Variants in CAST observed in about 807,000 individuals in gnomAD.
CAST encodes the protein calpastatin, also known as MIR583 host.
Under a neutral mutation model 119.6 loss-of-function variants are expected in CAST, and 76 were observed. The ratio of observed to expected loss-of-function variants is 0.64; its 90% CI spans 0.53 to 0.77. The LOEUF is 0.77. Among genes scored for constraint, CAST ranks in the 30% least tolerant of loss-of-function variants. The pLI, the probability that CAST is intolerant of heterozygous loss-of-function variation, is 0.00. For missense variants in CAST, 953 were observed against 946.5 expected (o/e 1.01, Z -0.09); for synonymous variants, 319 against 331.6 (o/e 0.96, Z 0.41).
the CAST span, among the ~76,000 whole-genome samples, chr5:95,964,073 G>A: frequency 3.3e-5 from 5 of 152,024 alleles, no homozygotes; most frequent in South Asian, 6.2e-4. Context: ...AATCTTTCAC[G>A]GATTAATATA....
At chr5:96,634,971 C>T (rs1046417425) in intron 1 of CAST, among the ~76,000 whole-genome samples, 9 of 152,154 alleles carry the variant, frequency 5.9e-5, no homozygotes, top group African/African-American at 1.4e-4. Flanking sequence ...TCACAAACAA[C>T]GTAATTCAGC....
At chr5:96,041,080 C>T in the CAST span, among the ~76,000 whole-genome samples, 2 of 152,110 alleles carry the variant, frequency 1.3e-5, no homozygotes, top group African/African-American at 4.8e-5. Flanking sequence ...GATTCAACGT[C>T]TTCCTGGTTT....
At chr5:96,370,142 G>T in the CAST span, among the ~76,000 whole-genome samples, 3 of 151,130 alleles carry the variant, frequency 2.0e-5, no homozygotes, top group Non-Finnish European at 4.4e-5. Flanking sequence ...ATATTTTATA[G>T]TTTATTATAT....
At chr5:96,512,779 A>G in the CAST span, among the ~76,000 whole-genome samples, 1 of 152,258 alleles carries the variant, frequency 6.6e-6, no homozygotes, top group Non-Finnish European at 1.5e-5. Context: ...AATACTTAGT[A>G]TTAATATCAG....
At chr5:95,976,961 A>T in the CAST span, among the ~76,000 whole-genome samples, 1 of 152,144 alleles carries the variant, frequency 6.6e-6, no homozygotes, top group Non-Finnish European at 1.5e-5. Flanking sequence ...TGGGCAAGTT[A>T]TTTAACCTCT....
At chr5:96,521,856 G>A (rs111756415), upstream of CAST, among the ~76,000 whole-genome samples, 23,151 of 152,068 alleles carry the variant, frequency 0.15, 2,098 homozygotes, top group Middle Eastern at 0.2. Context: ...CGGTGGCTCC[G>A]GACTGTAATC....
At chr5:96,247,117 C>T in the CAST span, among the ~76,000 whole-genome samples, 1 of 152,170 alleles carries the variant, frequency 6.6e-6, no homozygotes, top group Admixed American at 6.5e-5. Flanking sequence ...GTGCCATAAG[C>T]TCTGTCTCTT....
the CAST span, among the ~76,000 whole-genome samples, chr5:96,431,836 C>T: frequency 6.6e-6 from 1 of 152,142 alleles, no homozygotes; most frequent in Non-Finnish European, 1.5e-5. Flanking sequence ...TTTACAACTG[C>T]CTCCTCCCAC....
At chr5:96,285,087 G>T in the CAST span, among the ~76,000 whole-genome samples, 1 of 151,888 alleles carries the variant, frequency 6.6e-6, no homozygotes. Flanking sequence ...TTTTCCAGGA[G>T]GTTTCAAAGC....
chr5:96,675,556 C>T lies in CAST; in HGVS notation c.93C>T (p.Thr31=), dbSNP rs556319858. Residue 31 remains threonine (T), a synonymous_variant, in exon 2 of 32, where the codon ACC becomes ACT. Coordinates refer to ENST00000675179, the MANE Select transcript of CAST (RefSeq NM_001750.7). The part of the protein sequence containing the change: ...RRTHEHVSEK[T]SESPSKPGEK... ...TTTTATAGCATGTCAGTGAAAAAAC[C>T]AGTGAATCGCCTTCCAAACCAGGAG... 6.2e-7 allele frequency: 1 copy of T among 1,612,930 alleles called. No homozygotes were observed. Among genetic ancestry groups the T allele is most frequent in the African/African-American group, 1.3e-5 (1 of 74,988 alleles).
chr5:96,361,625 C>T, the CAST span, among the ~76,000 whole-genome samples: 500 of 152,212 alleles, frequency 3.3e-3, 6 homozygotes, highest in African/African-American at 0.011. Flanking sequence ...TGAGACGATG[C>T]CCCACCCTGC....
the CAST span, among the ~76,000 whole-genome samples, chr5:96,198,237 T>C: frequency 2.0e-5 from 3 of 152,216 alleles, no homozygotes; most frequent in Non-Finnish European, 1.5e-5. Context: ...ATGCTCAATC[T>C]GGTTTTACCT....
At chr5:96,208,454 T>C in the CAST span, among the ~76,000 whole-genome samples, 1 of 151,972 alleles carries the variant, frequency 6.6e-6, no homozygotes, top group East Asian at 1.9e-4. Flanking sequence ...CTTTTCAGTG[T>C]GGGTGTTTGA....
chr5:95,996,436 A>G, the CAST span, among the ~76,000 whole-genome samples: 1 of 152,046 alleles, frequency 6.6e-6, no homozygotes, highest in African/African-American at 2.4e-5. Context: ...AGTGATAATT[A>G]TTTTCATGAT....
the CAST span, among the ~76,000 whole-genome samples, chr5:96,245,567 C>G: frequency 6.7e-6 from 1 of 149,172 alleles, no homozygotes; most frequent in African/African-American, 2.5e-5. Context: ...TTAGTTTACA[C>G]AGAAGAAATT....
intron 1 of CAST, among the ~76,000 whole-genome samples, chr5:96,558,527 A>T (rs1256070023): frequency 1.3e-5 from 2 of 152,132 alleles, no homozygotes; most frequent in Non-Finnish European, 2.9e-5. Context: ...AAAGGGGATA[A>T]CACCACAGAT....
rs1226579218 is a variant in CAST at position 96,754,672 on chromosome 5, A to G, written c.1641A>G (p.Glu547=). Residue 547 remains glutamate (E), a synonymous_variant, in exon 22 of 32, where the codon GAA becomes GAG. Coordinates refer to ENST00000675179, the MANE Select transcript of CAST (RefSeq NM_001750.7). ...VMDKVKEKAK[E]EDREKLGEKE... ...ATTTTTCTCAGGAGAAGGCCAAAGA[A>G]GAAGACCGTGAAAAGCTTGGTGAAA... The G allele has an allele frequency of 6.2e-7, 1 of 1,605,898 alleles. No individual in the cohort carries two copies. The highest frequency in any genetic ancestry group is 8.5e-7 in the Non-Finnish European group (1 of 1,173,852).
the CAST span, chr5:96,399,921 C>T: frequency 2.0e-6 from 3 of 1,495,702 alleles, no homozygotes; most frequent in South Asian, 3.4e-5. Context: ...GCCATGGGCA[C>T]ACATGTGTTT....
intron 1 of CAST, among the ~76,000 whole-genome samples, chr5:96,565,357 G>A (rs145101887): frequency 3.3e-4 from 50 of 151,930 alleles, no homozygotes; most frequent in African/African-American, 9.2e-4. Flanking sequence ...TACATGTCTC[G>A]AAACATCACA....
Sources: allele counts gnomAD v4.1 joint callset (sites outside exome capture counted in the v4.1 genomes callset), GRCh38; gene constraint gnomAD v4.1.1; transcripts MANE v1.5; gene names NCBI Gene and HGNC (gene_info 2026-07-23, HGNC 2026-07-21).